The following SPTSSA variants were observed in gnomAD, a reference collection of about 807,000 sequenced individuals.
SPTSSA encodes the protein small subunit of serine palmitoyltransferase A.
Under a neutral mutation model 9.1 loss-of-function variants are expected in SPTSSA, and 8 were observed. The observed-to-expected ratio is 0.88, with a 90% CI of 0.51 to 1.58. The LOEUF is 1.58. Ranked by LOEUF, SPTSSA falls within the 40% of genes most tolerant of loss-of-function variation. SPTSSA has a pLI of 0.00. For synonymous variants in SPTSSA, 42 were observed against 37.7 expected (o/e 1.11, Z -0.41); for missense variants, 100 against 93.8 (o/e 1.07, Z -0.27).
At position 34,443,171 on chromosome 14, in the gene SPTSSA, G is replaced by GTGTGTGTGTGTTTT. The variant is rs775781106; in HGVS notation, c.113-7868_113-7867insAAAACACACACACA. On this transcript the variant is annotated intron_variant, in intron 1 of 1. Transcript: ENST00000298130. ...TGTGTGTGTGTGTGTGTGTGTGTGT[G>GTGTGTGTGTGTTTT]TTTTGAGATTGAGTTTTCCTCTAGG... Among the ~76,000 whole-genome samples the GTGTGTGTGTGTTTT allele has an allele frequency of 1.8e-4, 11 of 62,126 alleles. 1 individual carries two copies. In the East Asian group the frequency reaches 3.7e-3, roughly 21 times the overall value. The allele number at this position is 62,126 out of a possible 152,430, so 40.8% of individuals were successfully genotyped here.
At chr14:34,461,872 C>A (rs894613962) in intron 1 of SPTSSA, among the ~76,000 whole-genome samples, 1 of 152,096 alleles carries the variant, frequency 6.6e-6, no homozygotes, top group African/African-American at 2.4e-5. Context: ...CAGCGACTCA[C>A]AGGTGACCCC....
At chr14:34,448,728 G>A (rs554263954) in intron 1 of SPTSSA, among the ~76,000 whole-genome samples, 3 of 152,114 alleles carry the variant, frequency 2.0e-5, no homozygotes, top group South Asian at 2.1e-4. Flanking sequence ...TTGTTTGTGC[G>A]TTTTGACCAA....
rs373088515 is a variant in SPTSSA, at chr14:34,444,122, G to A, written c.113-8818C>T. Reference sequence around the variant, plus strand: ...ATTAATTGGTTTAATAATAATAAGAGCCTAAATCAAATATTTTGTCAGAAA... The same window carrying A: ...ATTAATTGGTTTAATAATAATAAGAACCTAAATCAAATATTTTGTCAGAAA... On this transcript the variant is annotated intron_variant, in intron 1 of 1. Coordinates refer to ENST00000298130, the MANE Select transcript of SPTSSA (RefSeq NM_138288.4). Among the ~76,000 whole-genome samples the A allele has an allele frequency of 6.0e-5, 9 of 150,530 alleles. No individual in the cohort carries two copies. In the East Asian group the frequency reaches 1.4e-3, roughly 23 times the overall value.
chr14:34,437,443 C>A (rs79148212), intron 1 of SPTSSA, among the ~76,000 whole-genome samples: 1 of 152,150 alleles, frequency 6.6e-6, no homozygotes, highest in South Asian at 2.1e-4. Context: ...GCAGCCATGC[C>A]CTTTTGGTTA....
At chr14:34,446,868 G>A (rs915030577) in intron 1 of SPTSSA, among the ~76,000 whole-genome samples, 5 of 152,140 alleles carry the variant, frequency 3.3e-5, no homozygotes, top group East Asian at 3.9e-4. Flanking sequence ...GGCACCTGTG[G>A]CCTATCGAGA....
intron 1 of SPTSSA, among the ~76,000 whole-genome samples, chr14:34,447,144 A>T (rs948701568): frequency 6.6e-6 from 1 of 150,794 alleles, no homozygotes. Flanking sequence ...GAATCGCTTA[A>T]ATCTGTGAGG....
intron 1 of SPTSSA, among the ~76,000 whole-genome samples, chr14:34,447,332 C>T (rs1021988445): frequency 7.3e-5 from 11 of 151,662 alleles, no homozygotes; most frequent in African/African-American, 1.5e-4. Context: ...TATGGTGACC[C>T]GGGTAAGGAG....
At chr14:34,449,942 A>G (rs1883491437) in intron 1 of SPTSSA, among the ~76,000 whole-genome samples, 1 of 152,218 alleles carries the variant, frequency 6.6e-6, no homozygotes, top group South Asian at 2.1e-4. Flanking sequence ...CTCAAAATTT[A>G]AAGTACCCTT....
intron 1 of SPTSSA, among the ~76,000 whole-genome samples, chr14:34,451,520 G>A (rs1431669761): frequency 1.3e-5 from 2 of 151,920 alleles, no homozygotes; most frequent in Non-Finnish European, 2.9e-5. Flanking sequence ...TCAGGAGATC[G>A]AGACCGTCCT....
chr14:34,460,951 AG>A (rs1431778669), intron 1 of SPTSSA, among the ~76,000 whole-genome samples: 5 of 152,220 alleles, frequency 3.3e-5, no homozygotes, highest in Non-Finnish European at 7.3e-5. Context: ...ATTCCTCAAA[AG>A]TGCTTAAACA....
At position 34,433,220 on chromosome 14, in the gene SPTSSA, T is replaced by C. The variant is rs1841533982; in HGVS notation, c.*1981A>G. ...CACAGGTCAGTGTTCATAATAACCATCAGTTATACAACAGCAATTTAATGA... is the reference window on the plus strand; with the variant it reads ...CACAGGTCAGTGTTCATAATAACCACCAGTTATACAACAGCAATTTAATGA... On this transcript the variant is annotated 3_prime_UTR_variant, in exon 2 of 2. Coordinates refer to ENST00000298130, the MANE Select transcript of SPTSSA (RefSeq NM_138288.4). The C allele has an allele frequency of 6.6e-6, 1 of 152,146 alleles. No individual in the cohort carries two copies. Among genetic ancestry groups the C allele is most frequent in the Non-Finnish European group, 1.5e-5 (1 of 68,028 alleles). The allele number at this position is 152,146 out of a possible 1,614,324, so 9.4% of individuals were successfully genotyped here.
chr14:34,441,834 T>TC (rs1458816618), intron 1 of SPTSSA, among the ~76,000 whole-genome samples: 1 of 146,442 alleles, frequency 6.8e-6, no homozygotes, highest in Non-Finnish European at 1.5e-5. Context: ...TTTTTCCATT[T>TC]TTTTTTTTCC....
chr14:34,448,319 T>C (rs534506052), intron 1 of SPTSSA, among the ~76,000 whole-genome samples: 2 of 151,620 alleles, frequency 1.3e-5, no homozygotes, highest in Non-Finnish European at 2.9e-5. Flanking sequence ...TGGTCCCCAA[T>C]AGGTAGGGAC....
In SPTSSA at chr14:34,433,427, A is replaced by C. The variant is rs1227384940; in HGVS notation, c.*1774T>G. 1 of 152,172 alleles carries C rather than the reference A, an allele frequency of 6.6e-6. No homozygotes were observed. Among genetic ancestry groups the C allele is most frequent in the East Asian group, 1.9e-4 (1 of 5,202 alleles). 9.4% of individuals were successfully genotyped at this position (152,172 alleles called of 1,614,324 possible). A position where few individuals can be genotyped will look rare whatever the true frequency, so the allele number is the denominator to read the frequency against. On this transcript the variant is annotated 3_prime_UTR_variant, in exon 2 of 2. Coordinates refer to ENST00000298130, the MANE Select transcript of SPTSSA (RefSeq NM_138288.4). ...TAGAGGAAAGCCAAATTTGGGCATT[A>C]ATAGAACAAATCTTATGTTAAATCC...
chr14:34,454,572 G>T (rs1194925056), intron 1 of SPTSSA, among the ~76,000 whole-genome samples: 1 of 152,194 alleles, frequency 6.6e-6, no homozygotes, highest in Non-Finnish European at 1.5e-5. Context: ...AAACAGGCTA[G>T]AGCAGTTTTC....
chr14:34,445,122 G>T (rs1417431393), intron 1 of SPTSSA, among the ~76,000 whole-genome samples: 1 of 151,854 alleles, frequency 6.6e-6, no homozygotes, highest in Non-Finnish European at 1.5e-5. Context: ...ACTAAAAACA[G>T]TTTTACACGC....
chr14:34,454,779 C>T (rs1883584948), intron 1 of SPTSSA, among the ~76,000 whole-genome samples: 1 of 152,184 alleles, frequency 6.6e-6, no homozygotes, highest in Non-Finnish European at 1.5e-5. Context: ...CACATTACTT[C>T]CTAATCTTAC....
At position 34,438,724 on chromosome 14, in the gene SPTSSA, A is replaced by G. The variant is rs551448459; in HGVS notation, c.113-3420T>C. The stretch of plus-strand genomic sequence containing the variant: ...CCTATGACTTCTCAGTTCTTCCCCA[A>G]TCCCTACAAATGACTCTTGTATCTC... On this transcript the variant is annotated intron_variant, in intron 1 of 1. Coordinates refer to ENST00000298130, the MANE Select transcript of SPTSSA (RefSeq NM_138288.4). Among the ~76,000 whole-genome samples the G allele has an allele frequency of 4.6e-5, 7 of 152,158 alleles. No individual in the cohort carries two copies. In the South Asian group the frequency reaches 1.5e-3, roughly 32 times the overall value.
intron 1 of SPTSSA, among the ~76,000 whole-genome samples, chr14:34,445,051 T>C (rs763432246): frequency 6.6e-6 from 1 of 151,976 alleles, no homozygotes; most frequent in Non-Finnish European, 1.5e-5. Context: ...GATCACACCG[T>C]TGCACCCCAG....
Sources: gnomAD v4.1 joint callset for allele counts (sites outside exome capture counted in the v4.1 genomes callset) on GRCh38, gnomAD v4.1.1 for gene constraint, MANE v1.5 for transcripts, NCBI Gene and HGNC (gene_info 2026-07-23, HGNC 2026-07-21) for gene names.